HIVEP2: variants seen among roughly 807,000 people sequenced by gnomAD.
HIVEP2 encodes HIVEP zinc finger 2.
A neutral mutation model predicts 180.7 loss-of-function variants in HIVEP2; 14 were observed. The ratio of observed to expected loss-of-function variants is 0.08; its 90% CI spans 0.05 to 0.12. The LOEUF is 0.12. Ranked by LOEUF, HIVEP2 falls within the 10% of genes least tolerant of loss-of-function variation. The pLI is 1.00. For missense variants in HIVEP2, 2,579 were observed against 3,008.5 expected (o/e 0.86, Z 3.34); for synonymous variants, 1,184 against 1,136.4 (o/e 1.04, Z -0.84).
intron 2 of HIVEP2, among the ~76,000 whole-genome samples, chr6:142,833,354 G>A (rs2114869084): frequency 6.6e-6 from 1 of 152,292 alleles, no homozygotes; most frequent in South Asian, 2.1e-4. Flanking sequence ...CATATGATCA[G>A]TCACTAAGAT....
At chr6:142,831,637 G>C (rs1775084890) in intron 2 of HIVEP2, among the ~76,000 whole-genome samples, 1 of 152,150 alleles carries the variant, frequency 6.6e-6, no homozygotes, top group African/African-American at 2.4e-5. Context: ...AATTATTTTT[G>C]TTGCCATAGT....
At chr6:142,816,101 T>C in intron 2 of HIVEP2, among the ~76,000 whole-genome samples, 1 of 152,218 alleles carries the variant, frequency 6.6e-6, no homozygotes, top group Admixed American at 6.5e-5. Context: ...ACTACATTTA[T>C]AATAGTAGTA....
At chr6:142,869,430 T>A (rs1414256691) in intron 1 of HIVEP2, among the ~76,000 whole-genome samples, 1 of 152,144 alleles carries the variant, frequency 6.6e-6, no homozygotes, top group East Asian at 1.9e-4. Context: ...AATAAAAAAA[T>A]TATTTCATAA....
chr6:142,769,722 A>T lies in HIVEP2; in HGVS notation c.5017T>A (p.Trp1673Arg). 6.2e-7 allele frequency: 1 copy of T among 1,614,254 alleles called. No homozygotes were observed. Among genetic ancestry groups the T allele is most frequent in the Admixed American group, 1.7e-5 (1 of 60,026 alleles). ...ATFKSSVYAS[W>R]CISSCNPNPS... ...TTTGGATTACAGGAACTAATGCACC[A>T]TGAAGCATAAACCGAGGATTTGAAG... The change falls in exon 5 of 10, where the codon TGG becomes AGG. Residue 1673 changes from tryptophan (W) to arginine (R), a missense_variant. Coordinates refer to ENST00000367603, the MANE Select transcript of HIVEP2 (RefSeq NM_006734.4).
intron 2 of HIVEP2, among the ~76,000 whole-genome samples, chr6:142,785,441 G>A (rs912397885): frequency 2.6e-5 from 4 of 151,298 alleles, no homozygotes; most frequent in Admixed American, 6.6e-5. Flanking sequence ...ATATTTATAC[G>A]GAACCTTAAC....
chr6:142,764,857 G>C lies in HIVEP2; in HGVS notation c.5460C>G (p.Thr1820=), dbSNP rs760795371. The C allele has an allele frequency of 1.2e-6, 2 of 1,613,736 alleles. No individual in the cohort carries two copies. Among genetic ancestry groups the C allele is most frequent in the South Asian group, 2.2e-5 (2 of 91,040 alleles). Reference sequence around the variant, plus strand: ...ATACATAAGGCCGAACATCAGTATGGGTACGGATGTGTTTTTTGAGCATGC... The same window carrying C: ...ATACATAAGGCCGAACATCAGTATGCGTACGGATGTGTTTTTTGAGCATGC... ...KPSMLKKHIR[T]HTDVRPYVCK... is the part of the protein sequence containing the mutation. The change falls in exon 7 of 10, where the codon ACC becomes ACG. Residue 1820 remains threonine (T), a synonymous_variant. Coordinates refer to ENST00000367603, the MANE Select transcript of HIVEP2 (RefSeq NM_006734.4).
intron 1 of HIVEP2, among the ~76,000 whole-genome samples, chr6:142,875,604 A>G (rs1776415208): frequency 3.9e-5 from 6 of 152,188 alleles, no homozygotes; most frequent in Admixed American, 3.9e-4. Context: ...AACATTCAGC[A>G]CTTATTTTGG....
At chr6:142,922,828 T>TA (rs1189569122) in intron 1 of HIVEP2, among the ~76,000 whole-genome samples, 4 of 152,278 alleles carry the variant, frequency 2.6e-5, no homozygotes, top group Middle Eastern at 3.4e-3. Flanking sequence ...CAGATTTTTT[T>TA]AAAAGACTGT....
In HIVEP2 at chr6:142,770,170, A is replaced by G; in HGVS notation, c.4569T>C (p.Ser1523=). ...SSFSSLSPSS[S]QDYPSVSPSS... is the part of the protein sequence containing the mutation. ...ACGGGCTAACAGAAGGATAGTCTTG[A>G]GATGAGGAGGGCGACAGCGAGGAGA... Residue 1523 remains serine (S), a synonymous_variant, in exon 5 of 10, where the codon TCT becomes TCC. Coordinates refer to ENST00000367603, the MANE Select transcript of HIVEP2 (RefSeq NM_006734.4). The surrounding 1 kb of genome is among the most constrained non-coding windows in gnomAD (Gnocchi z 4.7). 6.2e-7 allele frequency: 1 copy of G among 1,614,200 alleles called. No homozygotes were observed. The highest frequency in any genetic ancestry group is 8.5e-7 in the Non-Finnish European group (1 of 1,180,044).
In HIVEP2 at chr6:142,772,454, C is replaced by T; in HGVS notation, c.2285G>A (p.Arg762Gln). ...TGGACTTCCAGGCTGCAGTTGGGGC[C>T]GACATGGGTCAAAGCGTTCCGTGTG... ...HGHTERFDPC[R>Q]PQLQPGSPSL... The change falls in exon 5 of 10, where the codon CGG becomes CAG. Residue 762 changes from arginine (R) to glutamine (Q), a missense_variant. Around this residue, in one of 11 missense-constraint regions of HIVEP2, gnomAD observed 524 missense variants for 563.6 expected, o/e 0.93. Transcript: ENST00000367603. The surrounding 1 kb of genome is among the most constrained non-coding windows in gnomAD (Gnocchi z 4.9). 7.4e-6 allele frequency: 12 copies of T among 1,614,152 alleles called. No individual in the cohort carries two copies. Among genetic ancestry groups the T allele is most frequent in the South Asian group, 1.1e-5 (1 of 91,084 alleles).
chr6:142,942,732 C>G (rs947046791), intron 1 of HIVEP2, among the ~76,000 whole-genome samples: 61 of 152,104 alleles, frequency 4.0e-4, no homozygotes, highest in African/African-American at 1.4e-3. Context: ...CATTAATATA[C>G]CACCATTCCC....
At chr6:142,922,809 C>T (rs141673718) in intron 1 of HIVEP2, among the ~76,000 whole-genome samples, 257 of 152,206 alleles carry the variant, frequency 1.7e-3, no homozygotes, top group African/African-American at 6.0e-3. Context: ...CCCTAGAGAG[C>T]CTCAAAAACA....
rs143681056 is a variant in HIVEP2 at position 142,897,535 on chromosome 6, T to C, written c.-641+47564A>G. Among the ~76,000 whole-genome samples, 169 of 152,320 alleles carry C rather than the reference T, an allele frequency of 1.1e-3. 2 individuals are homozygous for C. In the East Asian group the frequency reaches 0.028, roughly 25 times the overall value. On this transcript the variant is annotated intron_variant, in intron 1 of 9. Transcript: ENST00000367603. ...TCAATACAGTAATGAGAATGGATGA[T>C]TGTTACACATGAACAAATCTCACTG... is the stretch of plus-strand genomic sequence containing the variant.
At chr6:142,930,161 G>T (rs945078301) in intron 1 of HIVEP2, among the ~76,000 whole-genome samples, 11 of 152,080 alleles carry the variant, frequency 7.2e-5, no homozygotes, top group African/African-American at 2.7e-4. Flanking sequence ...TCTACAGCCA[G>T]TACTTTCCCA....
At position 142,774,905 on chromosome 6, in the gene HIVEP2, C is replaced by T. The variant is rs559598916; in HGVS notation, c.-167G>A. ...GAACCTTCCACACGCACACCACAGT[C>T]GATGGGCATTAGCTAGTAATGTCCT... On this transcript the variant is annotated 5_prime_UTR_variant, in exon 5 of 10. Coordinates refer to ENST00000367603, the MANE Select transcript of HIVEP2 (RefSeq NM_006734.4). The surrounding 1 kb of genome is among the most constrained non-coding windows in gnomAD (Gnocchi z 5.1). 2.0e-5 allele frequency: 29 copies of T among 1,477,408 alleles called. No individual in the cohort carries two copies. Among genetic ancestry groups the T allele is most frequent in the South Asian group, 1.8e-4 (13 of 70,720 alleles). The allele number at this position is 1,477,408 out of a possible 1,614,324, so 91.5% of individuals were successfully genotyped here.
At chr6:142,813,770 T>C (rs111822952) in intron 2 of HIVEP2, among the ~76,000 whole-genome samples, 7,976 of 151,960 alleles carry the variant, frequency 0.052, 274 homozygotes, top group Middle Eastern at 0.071. Flanking sequence ...TCTCACTGTA[T>C]TGCCCGGGCT....
chr6:142,822,845 C>T (rs1262694707), intron 2 of HIVEP2, among the ~76,000 whole-genome samples: 1 of 152,188 alleles, frequency 6.6e-6, no homozygotes, highest in Non-Finnish European at 1.5e-5. Context: ...GGAAGGAACA[C>T]TTATTGACTT....
chr6:142,828,580 C>A (rs1774982160), intron 2 of HIVEP2, among the ~76,000 whole-genome samples: 1 of 151,990 alleles, frequency 6.6e-6, no homozygotes, highest in Non-Finnish European at 1.5e-5. Context: ...GGGATTTCAG[C>A]CATATGCCAC....
At chr6:142,868,693 CATT>C (rs968506047) in intron 1 of HIVEP2, among the ~76,000 whole-genome samples, 1 of 152,080 alleles carries the variant, frequency 6.6e-6, no homozygotes, top group Non-Finnish European at 1.5e-5. Flanking sequence ...CTATCCAGAT[CATT>C]ATTATAAATT....
Sources: allele counts gnomAD v4.1 joint callset (sites outside exome capture counted in the v4.1 genomes callset), GRCh38; gene constraint gnomAD v4.1.1; regional missense constraint gnomAD v4.1.1; non-coding constraint Gnocchi (gnomAD v3.1); transcripts MANE v1.5; gene names NCBI Gene and HGNC (gene_info 2026-07-23, HGNC 2026-07-21).